Variants in GSG1L observed in about 807,000 individuals in gnomAD.
GSG1L encodes the protein GSG1 like.
A neutral mutation model predicts 42.1 loss-of-function variants in GSG1L; 24 were observed. That is an observed-to-expected ratio of 0.57 (90% confidence interval 0.41 to 0.80). The LOEUF is 0.80. Ranked by LOEUF, GSG1L falls within the 30% of genes least tolerant of loss-of-function variation. The pLI is 0.00. For missense variants in GSG1L, 445 were observed against 472.2 expected (o/e 0.94, Z 0.53); for synonymous variants, 215 against 203.5 (o/e 1.06, Z -0.48).
intron 2 of GSG1L, among the ~76,000 whole-genome samples, chr16:27,899,204 G>T (rs1017682766): frequency 2.6e-5 from 4 of 152,360 alleles, no homozygotes; most frequent in Middle Eastern, 6.8e-3. Flanking sequence ...GGACTGCTCA[G>T]TCTGGAACAT....
intron 2 of GSG1L, among the ~76,000 whole-genome samples, chr16:27,910,730 T>TAGGCTGGGTGTGGTGGCTCTCACCTG: frequency 6.6e-6 from 1 of 152,232 alleles, no homozygotes; most frequent in Non-Finnish European, 1.5e-5. Flanking sequence ...ACTCCAGGTC[T>TAGGCTGGGTGTGGTGGCTCTCACCTG]AGGCTGGGTG....
At chr16:28,037,479 A>G (rs2086053864) in intron 1 of GSG1L, among the ~76,000 whole-genome samples, 2 of 152,216 alleles carry the variant, frequency 1.3e-5, no homozygotes, top group African/African-American at 4.8e-5. Context: ...GAAGCCACCC[A>G]GAATCAAACA....
At chr16:27,909,963 T>A (rs1439529244) in intron 2 of GSG1L, among the ~76,000 whole-genome samples, 1 of 147,322 alleles carries the variant, frequency 6.8e-6, no homozygotes, top group African/African-American at 2.5e-5. Context: ...TTCTTTTTTT[T>A]TTTTTTTTTT....
At chr16:27,826,135 C>T (rs566006492) in intron 5 of GSG1L, among the ~76,000 whole-genome samples, 3 of 152,250 alleles carry the variant, frequency 2.0e-5, no homozygotes, top group Non-Finnish European at 2.9e-5. Context: ...GGAAGCATCC[C>T]GTGGCACAGT....
intron 2 of GSG1L, chr16:27,888,247 A>G (rs1194870416): frequency 3.0e-6 from 1 of 328,324 alleles, no homozygotes; most frequent in Admixed American, 6.5e-5. Context: ...CCCTCTCCTC[A>G]CAGCAGGGCC....
intron 2 of GSG1L, among the ~76,000 whole-genome samples, chr16:27,923,146 G>A (rs1252393536): frequency 3.3e-5 from 5 of 152,178 alleles, no homozygotes; most frequent in Non-Finnish European, 1.5e-5. Flanking sequence ...GGTATTCATG[G>A]GCTGCAAAAA....
At chr16:28,002,109 A>C (rs1461418749) in intron 1 of GSG1L, among the ~76,000 whole-genome samples, 1 of 152,228 alleles carries the variant, frequency 6.6e-6, no homozygotes, top group Non-Finnish European at 1.5e-5. Context: ...AGTGGTGCGC[A>C]AGATGTGATG....
intron 1 of GSG1L, among the ~76,000 whole-genome samples, chr16:28,049,559 T>C (rs2086200404): frequency 6.6e-6 from 1 of 151,492 alleles, no homozygotes; most frequent in Non-Finnish European, 1.5e-5. Flanking sequence ...TGGTGACACA[T>C]GCCTGTAGTC....
At chr16:27,815,231 T>C (rs2083081811) in intron 5 of GSG1L, among the ~76,000 whole-genome samples, 1 of 152,146 alleles carries the variant, frequency 6.6e-6, no homozygotes, top group Non-Finnish European at 1.5e-5. Context: ...GGTATTTTGG[T>C]CCCTCATGAA....
chr16:27,988,925 T>C (rs1435923094), intron 1 of GSG1L, among the ~76,000 whole-genome samples: 3 of 151,458 alleles, frequency 2.0e-5, no homozygotes, highest in Non-Finnish European at 4.4e-5. Context: ...TGGTGGTGCA[T>C]GCCTGTAATC....
Position 28,040,645 on chromosome 16 carries a change from G to A in GSG1L, c.349+22431C>T, listed in dbSNP as rs1387761785. Among the ~76,000 whole-genome samples the A allele has an allele frequency of 6.6e-6, 1 of 152,220 alleles. No homozygotes were observed. The highest frequency in any genetic ancestry group is 1.5e-5 in the Non-Finnish European group (1 of 68,040). ...CCAGCAACCTAAGAAGAGACCCGCA[G>A]GACATGAAGATGCTCTCAGAGCCCC... On this transcript the variant is annotated intron_variant, in intron 1 of 6. Transcript: ENST00000447459. The surrounding 1 kb of genome is among the most constrained non-coding windows in gnomAD (Gnocchi z 4.1).
rs190401865 is a variant in GSG1L, at chr16:27,988,827, G to A, written c.350-25624C>T. 4.7e-3 allele frequency among the ~76,000 whole-genome samples: 718 copies of A among 151,570 alleles called. 1 individual carries two copies. Among genetic ancestry groups the A allele is most frequent in the African/African-American group, 0.011 (449 of 41,422 alleles). ...CCCAGCACTTTGGGAGGCCGAGGTGGGCGGATCACGAGGTCAGGAGATCAA... is the reference window on the plus strand; with the variant it reads ...CCCAGCACTTTGGGAGGCCGAGGTGAGCGGATCACGAGGTCAGGAGATCAA... On this transcript the variant is annotated intron_variant, in intron 1 of 6. Transcript: ENST00000447459.
intron 3 of GSG1L, among the ~76,000 whole-genome samples, chr16:27,881,411 T>G (rs1380804798): frequency 6.6e-6 from 1 of 151,876 alleles, no homozygotes; most frequent in African/African-American, 2.4e-5. Flanking sequence ...CCAGCTAATT[T>G]TTGTATTTTT....
chr16:27,963,099 G>C (rs1353399646), intron 2 of GSG1L, 57 bp downstream of exon 2: 14 of 1,487,034 alleles, frequency 9.4e-6, no homozygotes, highest in Non-Finnish European at 1.2e-5. Flanking sequence ...CACCAAGGTA[G>C]GAAAGATGTC....
intron 2 of GSG1L, among the ~76,000 whole-genome samples, chr16:27,887,658 A>G (rs11647370): frequency 0.16 from 24,513 of 152,204 alleles, 3,171 homozygotes; most frequent in African/African-American, 0.33. Context: ...AATAAAACAA[A>G]TAAACAGAAA....
chr16:28,049,046 G>A (rs547868263), intron 1 of GSG1L, among the ~76,000 whole-genome samples: 46 of 152,268 alleles, frequency 3.0e-4, no homozygotes, highest in Non-Finnish European at 5.4e-4. Context: ...TACAGATCCT[G>A]TGTAAAGGTT....
chr16:27,892,326 G>A (rs955255757), intron 2 of GSG1L, among the ~76,000 whole-genome samples: 11 of 151,874 alleles, frequency 7.2e-5, no homozygotes, highest in Admixed American at 2.0e-4. Flanking sequence ...ATGGTGGCGC[G>A]TGCCTGTAGC....
At chr16:27,901,248 A>G (rs977181303) in intron 2 of GSG1L, among the ~76,000 whole-genome samples, 2 of 152,206 alleles carry the variant, frequency 1.3e-5, no homozygotes, top group Non-Finnish European at 2.9e-5. Context: ...GTGAGCAGGG[A>G]AGCCGTATTT....
In GSG1L at chr16:27,805,983, G is replaced by A. The variant is rs565977275; in HGVS notation, c.898+1504C>T. ...CCCGCCTATTCTGCAGGGAGCCTGGGGAGGCTCACTCCCAAATAAGGGAGC... is the reference window on the plus strand; with the variant it reads ...CCCGCCTATTCTGCAGGGAGCCTGGAGAGGCTCACTCCCAAATAAGGGAGC... On this transcript the variant is annotated intron_variant, in intron 6 of 6. Coordinates refer to ENST00000447459, the MANE Select transcript of GSG1L (RefSeq NM_001109763.2). 2.0e-5 allele frequency among the ~76,000 whole-genome samples: 3 copies of A among 151,962 alleles called. No individual in the cohort carries two copies. The South Asian group carries it at 6.2e-4, about 32-fold the overall frequency.
Sources: allele counts gnomAD v4.1 joint callset (sites outside exome capture counted in the v4.1 genomes callset), GRCh38; gene constraint gnomAD v4.1.1; non-coding constraint Gnocchi (gnomAD v3.1); transcripts MANE v1.5; gene names NCBI Gene and HGNC (gene_info 2026-07-23, HGNC 2026-07-21).